The following ATP6V0A1 variants were observed in gnomAD, a reference collection of about 807,000 sequenced individuals.
The protein encoded by ATP6V0A1 is V-type proton ATPase 116 kDa subunit a 1.
ATP6V0A1 carries 43 observed loss-of-function variants against 105.4 expected under a neutral mutation model. The ratio of observed to expected loss-of-function variants is 0.41; its 90% CI spans 0.32 to 0.53. The LOEUF (loss-of-function observed/expected upper bound fraction) is 0.53, where lower values mean the gene tolerates loss of function less well. Ranked by LOEUF, ATP6V0A1 falls within the 20% of genes least tolerant of loss-of-function variation. ATP6V0A1 has a pLI of 0.30. For missense variants in ATP6V0A1, 676 were observed against 1,051.1 expected, an observed-to-expected ratio of 0.64 and a Z score of 4.93; for synonymous variants, 362 against 372.8, an observed-to-expected ratio of 0.97 and a Z score of 0.33.
At chr17:42,510,073 C>T (rs2092274664) in intron 19 of ATP6V0A1, 1 of 152,212 alleles carries the variant, frequency 6.6e-6, no homozygotes, top group African/African-American at 2.4e-5. Context: ...TTGCTCCAGC[C>T]CAGTGGAAGC....
chr17:42,521,650 C>T lies in ATP6V0A1; in HGVS notation c.*530C>T. On this transcript the variant is annotated 3_prime_UTR_variant, in exon 22 of 22. Coordinates refer to ENST00000343619, the MANE Select transcript of ATP6V0A1 (RefSeq NM_001130021.3). The surrounding 1 kb of genome is among the most constrained non-coding windows in gnomAD (Gnocchi z 4.8). ...GATATTTGCGTCTTTTGCCCACCCC[C>T]CTGGCATTCAGCTGGACCCAACTAG... 1 of 152,510 alleles carries T rather than the reference C, an allele frequency of 6.6e-6. No individual in the cohort carries two copies. 9.4% of individuals were successfully genotyped at this position (152,510 alleles called of 1,614,324 possible). A position where few individuals can be genotyped will look rare whatever the true frequency, so the allele number is the denominator to read the frequency against.
At chr17:42,489,354 T>C (rs534096193) in intron 10 of ATP6V0A1, among the ~76,000 whole-genome samples, 2 of 152,204 alleles carry the variant, frequency 1.3e-5, no homozygotes, top group Admixed American at 6.5e-5. Flanking sequence ...GTGCAGGGAT[T>C]ACAGGCATGA....
chr17:42,508,936 ATGT>A (rs529864268), intron 19 of ATP6V0A1, among the ~76,000 whole-genome samples: 104 of 151,924 alleles, frequency 6.8e-4, no homozygotes, highest in African/African-American at 2.4e-3. Context: ...CTCTCCTGTG[ATGT>A]TGTGGTTGAT....
At chr17:42,520,232 A>T in intron 21 of ATP6V0A1, 1 of 353,712 alleles carries the variant, frequency 2.8e-6, no homozygotes, top group Non-Finnish European at 5.6e-6. Flanking sequence ...TGAATCATGC[A>T]TTTTTCTGCC....
intron 14 of ATP6V0A1, 41 bp downstream of exon 14, chr17:42,495,757 T>A (rs1390483212): frequency 2.0e-5 from 29 of 1,477,852 alleles, no homozygotes; most frequent in Non-Finnish European, 2.6e-5. Flanking sequence ...TCAAATTTTT[T>A]AACACTAACC....
chr17:42,515,613 C>T (rs1302579344), intron 21 of ATP6V0A1, among the ~76,000 whole-genome samples: 2 of 152,112 alleles, frequency 1.3e-5, no homozygotes, highest in East Asian at 3.9e-4. Context: ...TGGAGAAACG[C>T]TGTCTCTACT....
intron 21 of ATP6V0A1, chr17:42,518,231 C>T (rs1251928069): frequency 6.6e-6 from 1 of 152,264 alleles, no homozygotes; most frequent in East Asian, 1.9e-4. Flanking sequence ...TAGCGAATTC[C>T]ACATACACAT....
At chr17:42,512,943 C>T (rs2092420437) in intron 19 of ATP6V0A1, among the ~76,000 whole-genome samples, 1 of 152,224 alleles carries the variant, frequency 6.6e-6, no homozygotes, top group Non-Finnish European at 1.5e-5. Context: ...CTTTGGTCAG[C>T]TTGACAGAGA....
chr17:42,508,466 T>C, intron 18 of ATP6V0A1, 106 bp from the exon 19 acceptor site: 4 of 1,453,852 alleles, frequency 2.8e-6, no homozygotes, highest in Non-Finnish European at 3.9e-6. Context: ...CTAGCCCATT[T>C]AACATGAACA....
At chr17:42,460,039 A>T (rs1365620568) in intron 1 of ATP6V0A1, 4 of 152,254 alleles carry the variant, frequency 2.6e-5, no homozygotes, top group African/African-American at 9.6e-5. Context: ...ACCCGGCAAC[A>T]GTAAGACAGC....
At chr17:42,482,819 C>T (rs2089684322) in intron 8 of ATP6V0A1, among the ~76,000 whole-genome samples, 1 of 151,096 alleles carries the variant, frequency 6.6e-6, no homozygotes, top group African/African-American at 2.4e-5. Context: ...ATCACTTGAA[C>T]CCAGGGGCAG....
In ATP6V0A1 at chr17:42,461,410, A is replaced by G. The variant is rs1425716848; in HGVS notation, c.117+399A>G. Among the ~76,000 whole-genome samples, 5 of 152,250 alleles carry G rather than the reference A, an allele frequency of 3.3e-5. No homozygotes were observed. The East Asian group carries it at 7.7e-4, about 23-fold the overall frequency. On this transcript the variant is annotated intron_variant, in intron 2 of 21. Coordinates refer to ENST00000343619, the MANE Select transcript of ATP6V0A1 (RefSeq NM_001130021.3). ...TCCAGCTACAGATATATAGTATATA[A>G]ATAAGCATATACTGAATATTCATTA...
intron 19 of ATP6V0A1, chr17:42,509,659 T>C (rs1244382670): frequency 6.6e-6 from 1 of 152,268 alleles, no homozygotes; most frequent in Non-Finnish European, 1.5e-5. Flanking sequence ...GCCCAACCCT[T>C]TCCCTGGCTC....
rs745305946 is a variant in ATP6V0A1, at chr17:42,487,187, G to T, written c.843G>T (p.Arg281Ser). 3 of 1,614,014 alleles carry T rather than the reference G, an allele frequency of 1.9e-6. No individual in the cohort carries two copies. Among genetic ancestry groups the T allele is most frequent in the Non-Finnish European group, 2.5e-6 (3 of 1,180,042 alleles). The change falls in exon 10 of 22, where the codon AGG becomes AGT. Residue 281 changes from arginine (R) to serine (S), a missense_variant. Coordinates refer to ENST00000343619, the MANE Select transcript of ATP6V0A1 (RefSeq NM_001130021.3). Reference protein sequence around the residue: ...VLNQTEDHRQRVLQAAAKNIR... With the variant: ...VLNQTEDHRQSVLQAAAKNIR... ...ATCAAACGGAGGATCACCGCCAGAGGGTTCTGCAGGCAGCTGCTAAGAACA... is the reference window on the plus strand; with the variant it reads ...ATCAAACGGAGGATCACCGCCAGAGTGTTCTGCAGGCAGCTGCTAAGAACA...
chr17:42,473,425 A>G (rs1394368282), intron 5 of ATP6V0A1, among the ~76,000 whole-genome samples: 2 of 152,224 alleles, frequency 1.3e-5, no homozygotes, highest in African/African-American at 2.4e-5. Flanking sequence ...CCCTGTGTTT[A>G]AGGAATGTAT....
intron 7 of ATP6V0A1, 70 bp downstream of exon 7, chr17:42,478,659 G>T: frequency 7.0e-7 from 1 of 1,429,800 alleles, no homozygotes; most frequent in Non-Finnish European, 9.3e-7. Context: ...ACGTAGCATG[G>T]GGCCACCTGA....
Position 42,494,435 on chromosome 17 carries a change from A to C in ATP6V0A1, c.1276A>C (p.Arg426=), listed in dbSNP as rs780479413. ...MTLFAVWMVL[R]ESRILSQKNE... is the part of the protein sequence containing the mutation. ...CCTTTTTGCTGTGTGGATGGTACTG[A>C]GGGAGAGCCGGATCCTTTCCCAGAA... Residue 426 remains arginine, a synonymous_variant, in exon 12 of 22, where the codon AGG becomes CGG. Coordinates refer to ENST00000343619, the MANE Select transcript of ATP6V0A1 (RefSeq NM_001130021.3). 6.2e-7 allele frequency: 1 copy of C among 1,613,906 alleles called. No individual in the cohort carries two copies. The highest frequency in any genetic ancestry group is 1.7e-5 in the Admixed American group (1 of 60,002).
chr17:42,521,980 A>G lies in ATP6V0A1; in HGVS notation c.*860A>G, dbSNP rs765373077. On this transcript the variant is annotated 3_prime_UTR_variant, in exon 22 of 22. Transcript: ENST00000343619. The surrounding 1 kb of genome is among the most constrained non-coding windows in gnomAD (Gnocchi z 4.8). ...CCTGAGATCTTCCCCACCCCCAATC[A>G]TGATGTCTTCAGTGTGGGACTGGGG... The G allele has an allele frequency of 1.3e-5, 2 of 152,536 alleles. No homozygotes were observed. Among genetic ancestry groups the G allele is most frequent in the Admixed American group, 6.5e-5 (1 of 15,276 alleles). The allele number at this position is 152,536 out of a possible 1,614,324, so 9.4% of individuals were successfully genotyped here.
At chr17:42,491,657 AT>A (rs1349902777) in intron 11 of ATP6V0A1, among the ~76,000 whole-genome samples, 3 of 151,910 alleles carry the variant, frequency 2.0e-5, no homozygotes, top group East Asian at 1.9e-4. Flanking sequence ...CTAATTTTGT[AT>A]TTTTAGTCGA....
Sources: gnomAD v4.1 joint callset for allele counts (sites outside exome capture counted in the v4.1 genomes callset) on GRCh38, gnomAD v4.1.1 for gene constraint, Gnocchi (gnomAD v3.1) non-coding constraint, MANE v1.5 for transcripts, NCBI Gene and HGNC (gene_info 2026-07-23, HGNC 2026-07-21) for gene names.